Variants in MTR observed in about 807,000 individuals in gnomAD.
MTR encodes the protein 5-methyltetrahydrofolate-homocysteine methyltransferase, also known as methionine synthase.
MTR carries 84 observed loss-of-function variants against 154.8 expected under a neutral mutation model. The observed-to-expected ratio is 0.54, with a 90% CI of 0.45 to 0.65. MTR has a LOEUF of 0.65. MTR is among the 30% of genes least tolerant of loss of function. MTR has a pLI of 0.00. For synonymous variants in MTR, 554 were observed against 553.9 expected, an observed-to-expected ratio of 1.00 and a Z score of 0.00; for missense variants, 1,275 against 1,570.2, an observed-to-expected ratio of 0.81 and a Z score of 3.18.
intron 11 of MTR, among the ~76,000 whole-genome samples, chr1:236,827,495 A>G (rs1662358539): frequency 6.6e-6 from 1 of 152,210 alleles, no homozygotes; most frequent in Non-Finnish European, 1.5e-5. Flanking sequence ...TGTAAAGTAA[A>G]TCCCAGATAT....
intron 12 of MTR, among the ~76,000 whole-genome samples, chr1:236,831,563 A>G (rs1457090002): frequency 1.3e-5 from 2 of 152,244 alleles, no homozygotes. Flanking sequence ...ATATAGCTTT[A>G]AGCTAACATC....
Position 236,839,140 on chromosome 1 carries a change from C to G in MTR, c.1515+541C>G, listed in dbSNP as rs574972327. The stretch of plus-strand genomic sequence containing the variant: ...ATGAAAATCTGATATATAGTAAAGT[C>G]TTTGCATTCATGGAGAAAGGTTGAA... On this transcript the variant is annotated intron_variant, in intron 15 of 32. Transcript: ENST00000366577. Among the ~76,000 whole-genome samples, 8 of 152,234 alleles carry G rather than the reference C, an allele frequency of 5.3e-5. No homozygotes were observed. In the East Asian group the frequency reaches 1.5e-3, roughly 29 times the overall value.
chr1:236,824,158 A>T lies in MTR; in HGVS notation c.804A>T (p.Arg268Ser). The change falls in exon 9 of 33, where the codon AGA becomes AGT. Residue 268 changes from arginine to serine, a missense_variant. Arg to Ser is a moderately radical substitution (Grantham distance 110). Transcript: ENST00000366577. ...LNCALGAAEM[R>S]PFIEIIGKCT... Reference sequence around the variant, plus strand: ...GTGCTTTGGGTGCAGCTGAAATGAGACCTTTTATTGAAATAATTGGAAAAT... The same window carrying T: ...GTGCTTTGGGTGCAGCTGAAATGAGTCCTTTTATTGAAATAATTGGAAAAT... 1 of 1,613,898 alleles carries T rather than the reference A, an allele frequency of 6.2e-7. No homozygotes were observed. The highest frequency in any genetic ancestry group is 8.5e-7 in the Non-Finnish European group (1 of 1,179,966).
At chr1:236,886,024 T>G (rs1665990367) in intron 26 of MTR, among the ~76,000 whole-genome samples, 1 of 152,172 alleles carries the variant, frequency 6.6e-6, no homozygotes, top group African/African-American at 2.4e-5. Context: ...CAGACACCCC[T>G]AGTACCTCAG....
chr1:236,836,698 A>T (rs998713572), intron 14 of MTR, among the ~76,000 whole-genome samples: 3 of 152,118 alleles, frequency 2.0e-5, no homozygotes, highest in African/African-American at 4.8e-5. Flanking sequence ...TCCATCTTTC[A>T]TTTGTGTCTT....
At chr1:236,820,246 A>G in intron 8 of MTR, 2 of 753,980 alleles carry the variant, frequency 2.7e-6, no homozygotes, top group Non-Finnish European at 2.4e-6. Flanking sequence ...CTGCTTGTAC[A>G]GAGATCCTGA....
rs1210656242 is a variant in MTR at position 236,811,380 on chromosome 1, A to G, written c.502+785A>G. 3.9e-5 allele frequency among the ~76,000 whole-genome samples: 6 copies of G among 152,196 alleles called. No homozygotes were observed. The East Asian group carries it at 1.2e-3, about 29-fold the overall frequency. Reference sequence around the variant, plus strand: ...GTTATAAACTACCATATATAAACATACTTATATTGAGATCTGACAAAACAT... The same window carrying G: ...GTTATAAACTACCATATATAAACATGCTTATATTGAGATCTGACAAAACAT... On this transcript the variant is annotated intron_variant, in intron 5 of 32. Transcript: ENST00000366577.
chr1:236,897,122 A>C lies in MTR; in HGVS notation c.3711+4A>C. On this transcript the variant is annotated splice_donor_region_variant and intron_variant, in intron 32 of 32. Coordinates refer to ENST00000366577, the MANE Select transcript of MTR (RefSeq NM_000254.3). ...GGGGAAGATTTCCAAGGATCAGGTA[A>C]GCTAGCTGTTGCATTATATGTGGCT... 1 of 1,601,166 alleles carries C rather than the reference A, an allele frequency of 6.2e-7. No homozygotes were observed. Among genetic ancestry groups the C allele is most frequent in the Non-Finnish European group, 8.6e-7 (1 of 1,168,156 alleles).
At chr1:236,819,048 C>G (rs1661766733) in intron 8 of MTR, among the ~76,000 whole-genome samples, 1 of 152,130 alleles carries the variant, frequency 6.6e-6, no homozygotes, top group Non-Finnish European at 1.5e-5. Flanking sequence ...AAAATTCTCT[C>G]ATTATCAACA....
rs531395980 is a variant in MTR at position 236,827,178 on chromosome 1, A to G, written c.995+282A>G. On this transcript the variant is annotated intron_variant, in intron 11 of 32. Coordinates refer to ENST00000366577, the MANE Select transcript of MTR (RefSeq NM_000254.3). ...CAGAGGCAAGCAAGACCGTGTCAAG[A>G]CACAGGGAAGAATAGCTATCTACAA... 8.9e-4 allele frequency among the ~76,000 whole-genome samples: 135 copies of G among 152,318 alleles called. 3 individuals carry two copies. Among genetic ancestry groups the G allele is most frequent in the Non-Finnish European group, 3.2e-4 (22 of 68,034 alleles).
Position 236,828,416 on chromosome 1 carries a change from T to C in MTR, c.996-773T>C, listed in dbSNP as rs192577246. Among the ~76,000 whole-genome samples, 16 of 152,342 alleles carry C rather than the reference T, an allele frequency of 1.1e-4. No individual in the cohort carries two copies. In the East Asian group the frequency reaches 2.9e-3, roughly 27 times the overall value. On this transcript the variant is annotated intron_variant, in intron 11 of 32. Coordinates refer to ENST00000366577, the MANE Select transcript of MTR (RefSeq NM_000254.3). ...AGAGGAGTTGTTTTAAATGTCTGTGTGTATGTTTGTGTATATCTATATTTA... is the reference window on the plus strand; with the variant it reads ...AGAGGAGTTGTTTTAAATGTCTGTGCGTATGTTTGTGTATATCTATATTTA...
rs1306310765 is a variant in MTR, at chr1:236,815,642, A to C, written c.648A>C (p.Lys216Asn). The part of the protein sequence containing the change: ...LFALQNLFEE[K>N]YAPRPIFISG... The stretch of plus-strand genomic sequence containing the variant: ...CACTCCAAAATCTTTTTGAGGAGAA[A>C]TATGCTCCCCGGCCTATCTTTGTAA... The change falls in exon 7 of 33, where the codon AAA becomes AAC. Residue 216 changes from lysine to asparagine, a missense_variant. Coordinates refer to ENST00000366577, the MANE Select transcript of MTR (RefSeq NM_000254.3). 1.9e-6 allele frequency: 3 copies of C among 1,613,782 alleles called. No individual in the cohort carries two copies. The highest frequency in any genetic ancestry group is 1.7e-6 in the Non-Finnish European group (2 of 1,179,892).
intron 22 of MTR, among the ~76,000 whole-genome samples, chr1:236,873,371 A>G (rs148176893): frequency 5.3e-5 from 8 of 152,332 alleles, no homozygotes; most frequent in African/African-American, 1.7e-4. Flanking sequence ...GTAAATAGTG[A>G]TGATGGTTGC....
chr1:236,880,739 T>C lies in MTR; in HGVS notation c.2595-16T>C, dbSNP rs1478469068. On this transcript the variant is annotated splice_polypyrimidine_tract_variant and intron_variant, in intron 24 of 32. Transcript: ENST00000366577. Reference sequence around the variant, plus strand: ...AGTGCTGATGGATATATTTTCTTTCTGACCCTTCTTTTTAGAACCCACACA... The same window carrying C: ...AGTGCTGATGGATATATTTTCTTTCCGACCCTTCTTTTTAGAACCCACACA... The C allele has an allele frequency of 5.6e-6, 9 of 1,609,634 alleles. No individual in the cohort carries two copies. The highest frequency in any genetic ancestry group is 1.3e-5 in the African/African-American group (1 of 74,824).
chr1:236,833,596 G>A (rs972150368), intron 13 of MTR, among the ~76,000 whole-genome samples: 3 of 152,318 alleles, frequency 2.0e-5, no homozygotes, highest in African/African-American at 4.8e-5. Context: ...AACAGTAGGA[G>A]GGGGCAGTAG....
chr1:236,881,539 C>T lies in MTR; in HGVS notation c.2676+703C>T, dbSNP rs183240708. ...AATTTCCAGGTAAGACGTCACTTACCGTCCCATCCCGCTCCTAGTGTCCAT... is the reference window on the plus strand; with the variant it reads ...AATTTCCAGGTAAGACGTCACTTACTGTCCCATCCCGCTCCTAGTGTCCAT... On this transcript the variant is annotated intron_variant, in intron 25 of 32. Transcript: ENST00000366577. 2.4e-3 allele frequency among the ~76,000 whole-genome samples: 365 copies of T among 151,960 alleles called. 3 individuals are homozygous for T. Among genetic ancestry groups the T allele is most frequent in the African/African-American group, 7.4e-3 (306 of 41,456 alleles).
rs1014814976 is a variant in MTR at position 236,903,236 on chromosome 1, A to G, written c.*5592A>G. 1 of 152,182 alleles carries G rather than the reference A, an allele frequency of 6.6e-6. No individual in the cohort carries two copies. The highest frequency in any genetic ancestry group is 1.5e-5 in the Non-Finnish European group (1 of 68,028). 9.4% of individuals were successfully genotyped at this position (152,182 alleles called of 1,614,324 possible). On this transcript the variant is annotated 3_prime_UTR_variant, in exon 33 of 33. Transcript: ENST00000366577. Reference sequence around the variant, plus strand: ...AGGTGAGGGAACTCATGGTTTGGCTATTTCTCGTTCTTTCTGCACTGTTTC... The same window carrying G: ...AGGTGAGGGAACTCATGGTTTGGCTGTTTCTCGTTCTTTCTGCACTGTTTC...
At chr1:236,892,976 A>G (rs777073261) in intron 29 of MTR, among the ~76,000 whole-genome samples, 1 of 152,072 alleles carries the variant, frequency 6.6e-6, no homozygotes, top group South Asian at 2.1e-4. Context: ...TACATTACCT[A>G]CCCAGGTAGC....
chr1:236,820,595 A>AC, intron 8 of MTR: 1 of 571,662 alleles, frequency 1.7e-6, no homozygotes, highest in East Asian at 3.0e-5. Flanking sequence ...CTTAAAAAAA[A>AC]AAAAAAAAAG....
Sources: gnomAD v4.1 joint callset for allele counts (sites outside exome capture counted in the v4.1 genomes callset) on GRCh38, gnomAD v4.1.1 for gene constraint, MANE v1.5 for transcripts, NCBI Gene and HGNC (gene_info 2026-07-23, HGNC 2026-07-21) for gene names.